TENM2: variants seen among roughly 807,000 people sequenced by gnomAD.
TENM2 encodes teneurin-2.
Under a neutral mutation model 245.2 loss-of-function variants are expected in TENM2, and 52 were observed. That is an observed-to-expected ratio of 0.21 (90% confidence interval 0.17 to 0.27). TENM2 has a LOEUF of 0.27. Among genes scored for constraint, TENM2 ranks in the 10% least tolerant of loss-of-function variants. The pLI, the probability that TENM2 is intolerant of heterozygous loss-of-function variation, is 1.00. For missense variants in TENM2, 3,046 were observed against 3,666.8 expected (o/e 0.83, Z 4.37); for synonymous variants, 1,363 against 1,438.9 (o/e 0.95, Z 1.19).
chr5:167,728,240 T>C (rs1760163999), intron 2 of TENM2, among the ~76,000 whole-genome samples: 1 of 152,162 alleles, frequency 6.6e-6, no homozygotes, highest in South Asian at 2.1e-4. Context: ...CCTCTCCTCC[T>C]TCCCTTCATT....
Position 167,872,779 on chromosome 5 carries a change from C to T in TENM2, c.503-3207C>T, listed in dbSNP as rs186492429. ...CAATGCTTTCATTGTGTTATGACTG[C>T]TCTTCTATTGTCTGTATTTGTATAA... On this transcript the variant is annotated intron_variant, in intron 2 of 28. Coordinates refer to ENST00000518659, the Ensembl canonical transcript of TENM2. Among the ~76,000 whole-genome samples, 4 of 152,330 alleles carry T rather than the reference C, an allele frequency of 2.6e-5. No individual in the cohort carries two copies. The Middle Eastern group carries it at 0.01, about 389-fold the overall frequency.
chr5:167,672,510 C>A (rs1366780081), intron 2 of TENM2, among the ~76,000 whole-genome samples: 1 of 152,014 alleles, frequency 6.6e-6, no homozygotes, highest in Non-Finnish European at 1.5e-5. Context: ...GTGAATGGAT[C>A]ACATACATAC....
chr5:167,143,713 A>C, the TENM2 span, among the ~76,000 whole-genome samples: 1 of 152,206 alleles, frequency 6.6e-6, no homozygotes, highest in African/African-American at 2.4e-5. Context: ...GGAGCTTTAC[A>C]TCATGCAAGA....
the TENM2 span, among the ~76,000 whole-genome samples, chr5:167,262,448 G>A: frequency 6.6e-6 from 1 of 151,960 alleles, no homozygotes; most frequent in Non-Finnish European, 1.5e-5. Context: ...CCCACTCATG[G>A]ATGTATGAGA....
chr5:167,503,347 A>T (rs1465288037), intron 2 of TENM2, among the ~76,000 whole-genome samples: 1 of 152,126 alleles, frequency 6.6e-6, no homozygotes, highest in East Asian at 1.9e-4. Context: ...TGCTTAACTT[A>T]GACAGTGCAT....
At chr5:167,842,604 A>T (rs1485413718) in intron 2 of TENM2, among the ~76,000 whole-genome samples, 2 of 138,396 alleles carry the variant, frequency 1.4e-5, no homozygotes, top group African/African-American at 6.1e-5. Flanking sequence ...AAAAAAAAAA[A>T]AAAAAGAACC....
Position 167,317,310 on chromosome 5 carries a change from C to A in TENM2, c.226+32247C>A, listed in dbSNP as rs533273357. ...TTCTTATTCATTTTTTAAAACCTTC[C>A]TTTCTCAATTCTAAGTCAAATCAGC... On this transcript the variant is annotated intron_variant, in intron 1 of 28. Transcript: ENST00000518659. Among the ~76,000 whole-genome samples the A allele has an allele frequency of 7.9e-5, 12 of 151,932 alleles. No individual in the cohort carries two copies. The South Asian group carries it at 2.5e-3, about 32-fold the overall frequency.
At chr5:167,644,215 G>A (rs188160710) in intron 2 of TENM2, among the ~76,000 whole-genome samples, 1 of 152,236 alleles carries the variant, frequency 6.6e-6, no homozygotes, top group Admixed American at 6.5e-5. Context: ...ATAAAAATGG[G>A]TCCTATAAAG....
intron 2 of TENM2, among the ~76,000 whole-genome samples, chr5:167,603,021 A>T (rs1412090051): frequency 6.6e-6 from 1 of 152,140 alleles, no homozygotes; most frequent in Non-Finnish European, 1.5e-5. Flanking sequence ...GAATTGTAAG[A>T]TGGGTATGAT....
chr5:167,164,445 T>A, the TENM2 span, among the ~76,000 whole-genome samples: 553 of 152,344 alleles, frequency 3.6e-3, 2 homozygotes, highest in African/African-American at 0.012. Context: ...ATTCTTGCTA[T>A]TATGTTCTGA....
At chr5:167,094,328 C>G in the TENM2 span, among the ~76,000 whole-genome samples, 2 of 152,148 alleles carry the variant, frequency 1.3e-5, no homozygotes. Flanking sequence ...TGTAATCCAT[C>G]CTTTCTTCCA....
intron 3 of TENM2, among the ~76,000 whole-genome samples, chr5:167,879,414 T>A (rs1773691837): frequency 1.3e-5 from 2 of 152,188 alleles, no homozygotes; most frequent in Non-Finnish European, 1.5e-5. Flanking sequence ...GTTCTGACCT[T>A]CTGCCAGAGC....
chr5:168,252,869 AAAG>A (rs1767248410), intron 27 of TENM2, among the ~76,000 whole-genome samples: 1 of 152,178 alleles, frequency 6.6e-6, no homozygotes, highest in East Asian at 1.9e-4. Context: ...ACAAAAAAGA[AAAG>A]AAAAGAGGCA....
intron 1 of TENM2, among the ~76,000 whole-genome samples, chr5:167,293,990 G>GTGTT (rs1366668055): frequency 6.6e-6 from 1 of 151,886 alleles, no homozygotes; most frequent in Non-Finnish European, 1.5e-5. Flanking sequence ...GTGTGTGTGT[G>GTGTT]TGTGTGTGTG....
chr5:168,030,569 T>C (rs1787052247), intron 5 of TENM2, among the ~76,000 whole-genome samples: 1 of 152,174 alleles, frequency 6.6e-6, no homozygotes, highest in Non-Finnish European at 1.5e-5. Flanking sequence ...TCTGCTGGTC[T>C]GGGAACTACA....
chr5:167,823,806 T>C (rs1427614102), intron 2 of TENM2, among the ~76,000 whole-genome samples: 1 of 152,180 alleles, frequency 6.6e-6, no homozygotes, highest in Non-Finnish European at 1.5e-5. Flanking sequence ...ATTATTTAGT[T>C]GAAGAATTTT....
chr5:166,989,936 A>G, the TENM2 span, among the ~76,000 whole-genome samples: 1 of 151,676 alleles, frequency 6.6e-6, no homozygotes, highest in Non-Finnish European at 1.5e-5. Context: ...GGTATCATCA[A>G]GAGTCTATTA....
rs1773059021 is a variant in TENM2 at position 167,553,050 on chromosome 5, G to A, written c.502+177577G>A. 2.0e-5 allele frequency among the ~76,000 whole-genome samples: 3 copies of A among 152,278 alleles called. 1 individual carries two copies. Among genetic ancestry groups the A allele is most frequent in the East Asian group, 3.9e-4 (2 of 5,188 alleles). ...ACCAATAAAGACATAATTACAAGCT[G>A]GGGAAAATGCTTTGATAGACAGACA... On this transcript the variant is annotated intron_variant, in intron 2 of 28. Coordinates refer to ENST00000518659, the Ensembl canonical transcript of TENM2.
intron 3 of TENM2, among the ~76,000 whole-genome samples, chr5:167,907,380 G>A (rs995793755): frequency 4.0e-5 from 6 of 150,834 alleles, no homozygotes; most frequent in Non-Finnish European, 7.4e-5. Flanking sequence ...GCATTGTATC[G>A]AAAGGTGAAC....
Sources: allele counts gnomAD v4.1 joint callset (sites outside exome capture counted in the v4.1 genomes callset), GRCh38; gene constraint gnomAD v4.1.1; transcripts MANE v1.5; gene names NCBI Gene and HGNC (gene_info 2026-07-23, HGNC 2026-07-21).